Variants in PRKCB observed in about 807,000 individuals in gnomAD.
PRKCB encodes the protein protein kinase C beta type.
PRKCB carries 13 observed loss-of-function variants against 81.5 expected under a neutral mutation model. The observed-to-expected ratio is 0.16, with a 90% CI of 0.10 to 0.25. The LOEUF (loss-of-function observed/expected upper bound fraction) is 0.25. PRKCB is among the 10% of genes least tolerant of loss of function. The pLI is 1.00. For missense variants in PRKCB, 509 were observed against 875.7 expected (o/e 0.58, Z 5.29); for synonymous variants, 335 against 321.4 (o/e 1.04, Z -0.45).
At position 23,866,982 on chromosome 16, in the gene PRKCB, CCTTCCCTTCCTTCCCTTCCT is replaced by C. The variant is rs1962804796; in HGVS notation, c.205+29577_205+29596del. Among the ~76,000 whole-genome samples, 87 of 69,804 alleles carry C rather than the reference CCTTCCCTTCCTTCCCTTCCT, an allele frequency of 1.2e-3. 1 individual carries two copies. The highest frequency in any genetic ancestry group is 4.5e-3 in the African/African-American group (80 of 17,608). The allele number at this position is 69,804 out of a possible 152,430, so 45.8% of individuals were successfully genotyped here. A position where few individuals can be genotyped will look rare whatever the true frequency, so the allele number is the denominator to read the frequency against. On this transcript the variant is annotated intron_variant, in intron 2 of 16. Coordinates refer to ENST00000643927, the MANE Select transcript of PRKCB (RefSeq NM_002738.7). ...TTCCCTTCCTTCCCTTCCTTCCCTT[CCTTCCCTTCCTTCCCTTCCT>C]TCCTTCCTTCCTTCCTTCCTTCCTT...
At chr16:24,040,421 A>G (rs1965684302) in intron 5 of PRKCB, among the ~76,000 whole-genome samples, 1 of 151,966 alleles carries the variant, frequency 6.6e-6, no homozygotes, top group South Asian at 2.1e-4. Flanking sequence ...ATCTCGGTTC[A>G]TTTTTACCAT....
intron 3 of PRKCB, among the ~76,000 whole-genome samples, chr16:23,992,512 A>G (rs1339221615): frequency 6.6e-6 from 1 of 152,216 alleles, no homozygotes; most frequent in Non-Finnish European, 1.5e-5. Flanking sequence ...GATATATGAT[A>G]CCCAAACACT....
intron 16 of PRKCB, among the ~76,000 whole-genome samples, chr16:24,197,731 A>G (rs1967900258): frequency 6.6e-6 from 1 of 151,158 alleles, no homozygotes; most frequent in Admixed American, 6.6e-5. Flanking sequence ...CTGTTTGAGA[A>G]CCCCCAAGTT....
intron 2 of PRKCB, among the ~76,000 whole-genome samples, chr16:23,873,071 T>TA (rs1285255199): frequency 6.0e-4 from 90 of 150,802 alleles, no homozygotes; most frequent in Non-Finnish European, 9.1e-4. Context: ...CGGATGCCTG[T>TA]AATCCCAGCA....
chr16:23,912,307 A>G (rs936997361), intron 2 of PRKCB, among the ~76,000 whole-genome samples: 1 of 151,946 alleles, frequency 6.6e-6, no homozygotes, highest in African/African-American at 2.4e-5. Context: ...TCTATATTCA[A>G]GTAGTCCATT....
At chr16:24,182,405 T>C (rs1004990259) in intron 13 of PRKCB, among the ~76,000 whole-genome samples, 7 of 152,180 alleles carry the variant, frequency 4.6e-5, no homozygotes, top group Admixed American at 6.5e-5. Flanking sequence ...CCTGCTGTCC[T>C]GACTACTCAG....
intron 2 of PRKCB, among the ~76,000 whole-genome samples, chr16:23,921,299 A>G (rs1198058094): frequency 1.3e-5 from 2 of 152,274 alleles, no homozygotes; most frequent in East Asian, 1.9e-4. Context: ...TCAAATGGCA[A>G]TATTAATAAG....
intron 13 of PRKCB, 58 bp downstream of exon 13, chr16:24,180,986 G>A: frequency 1.9e-6 from 3 of 1,590,006 alleles, no homozygotes. Flanking sequence ...CTCCCCAGAT[G>A]GCTGTGTGAG....
chr16:23,932,548 G>C (rs1963994470), intron 2 of PRKCB, among the ~76,000 whole-genome samples: 1 of 152,220 alleles, frequency 6.6e-6, no homozygotes, highest in African/African-American at 2.4e-5. Context: ...TCTCTCTGGG[G>C]ACTGGGAGTT....
intron 3 of PRKCB, among the ~76,000 whole-genome samples, chr16:24,012,417 AC>A (rs1567343689): frequency 6.6e-6 from 1 of 152,176 alleles, no homozygotes; most frequent in Non-Finnish European, 1.5e-5. Context: ...GCTCTTAGCC[AC>A]CATGTCCCAT....
chr16:23,903,315 G>T (rs1266894547), intron 2 of PRKCB, among the ~76,000 whole-genome samples: 2 of 151,694 alleles, frequency 1.3e-5, no homozygotes, highest in Non-Finnish European at 2.9e-5. Flanking sequence ...GAGTGATAGA[G>T]ATTCTCCTGG....
intron 5 of PRKCB, among the ~76,000 whole-genome samples, chr16:24,058,527 T>A (rs1965934184): frequency 6.6e-6 from 1 of 152,098 alleles, no homozygotes; most frequent in African/African-American, 2.4e-5. Context: ...GAAGGTGCCT[T>A]AGGTTTCTGG....
chr16:24,080,948 A>T (rs1330443311), intron 5 of PRKCB, among the ~76,000 whole-genome samples: 1 of 152,210 alleles, frequency 6.6e-6, no homozygotes, highest in Non-Finnish European at 1.5e-5. Flanking sequence ...AACCTATTTT[A>T]TGAGGCTAGC....
intron 5 of PRKCB, among the ~76,000 whole-genome samples, chr16:24,083,676 A>G (rs919857999): frequency 6.6e-6 from 1 of 152,168 alleles, no homozygotes; most frequent in Non-Finnish European, 1.5e-5. Flanking sequence ...GGGGCTGAGG[A>G]TGAGAAGAGG....
intron 8 of PRKCB, among the ~76,000 whole-genome samples, chr16:24,122,471 T>A (rs1363108117): frequency 2.3e-5 from 3 of 132,838 alleles, no homozygotes; most frequent in African/African-American, 8.2e-5. Context: ...TTTTTTTTAG[T>A]GAGAGAGAGA....
intron 7 of PRKCB, among the ~76,000 whole-genome samples, chr16:24,096,663 AAAAATATATATATATATATATATAT>A (rs1235785431): frequency 1.6e-4 from 8 of 49,660 alleles, no homozygotes; most frequent in South Asian, 7.2e-4. Context: ...AAAAAAAAAA[AAAAATATATATATATATATATATAT>A]ATATATATAT....
Position 24,214,876 on chromosome 16 carries a change from G to A in PRKCB, c.*60G>A. On this transcript the variant is annotated 3_prime_UTR_variant, in exon 17 of 17. Transcript: ENST00000643927. ...ATTCAAGCTCAACGGCTATTGTGGT[G>A]ACATTTTTATGTTTTTCATTGCCAA... 6.3e-7 allele frequency: 1 copy of A among 1,585,224 alleles called. No individual in the cohort carries two copies. Among genetic ancestry groups the A allele is most frequent in the Non-Finnish European group, 8.6e-7 (1 of 1,165,132 alleles).
At chr16:23,891,557 G>A (rs1043845744) in intron 2 of PRKCB, among the ~76,000 whole-genome samples, 3 of 152,122 alleles carry the variant, frequency 2.0e-5, no homozygotes, top group African/African-American at 7.2e-5. Flanking sequence ...AAAGTACTTT[G>A]CTCAATTTTC....
intron 5 of PRKCB, among the ~76,000 whole-genome samples, chr16:24,079,954 G>A (rs1426837892): frequency 6.6e-6 from 1 of 151,996 alleles, no homozygotes; most frequent in Admixed American, 6.6e-5. Context: ...TTTGTCAGTC[G>A]CCTTTTTCGT....
Sources: gnomAD v4.1 joint callset for allele counts (sites outside exome capture counted in the v4.1 genomes callset) on GRCh38, gnomAD v4.1.1 for gene constraint, MANE v1.5 for transcripts, NCBI Gene and HGNC (gene_info 2026-07-23, HGNC 2026-07-21) for gene names.